Variants in TUSC3 observed in about 807,000 individuals in gnomAD.
The protein encoded by TUSC3 is dolichyl-diphosphooligosaccharide--protein glycosyltransferase subunit TUSC3.
Under a neutral mutation model 44.8 loss-of-function variants are expected in TUSC3, and 45 were observed. That is an observed-to-expected ratio of 1.00 (90% CI 0.79 to 1.29). The LOEUF is 1.29. Ranked by LOEUF, TUSC3 falls within the 50% of genes most tolerant of loss-of-function variation. The probability of loss-of-function intolerance (pLI) is 0.00; values close to 1 mark genes in which losing one functional copy is unlikely to be tolerated. For missense variants in TUSC3, 519 were observed against 437.9 expected (o/e 1.19, Z -1.65); for synonymous variants, 212 against 152.9 (o/e 1.39, Z -2.85).
At chr8:15,646,619 T>G (rs1242941858) in intron 2 of TUSC3, among the ~76,000 whole-genome samples, 1 of 152,086 alleles carries the variant, frequency 6.6e-6, no homozygotes, top group Non-Finnish European at 1.5e-5. Flanking sequence ...CTGTTCATAT[T>G]TAACCCTCTT....
intron 2 of TUSC3, among the ~76,000 whole-genome samples, chr8:15,485,942 C>A (rs922736440): frequency 6.6e-6 from 1 of 152,086 alleles, no homozygotes; most frequent in Non-Finnish European, 1.5e-5. Context: ...AGGTGCCCAC[C>A]ACCAAGCCCG....
intron 1 of TUSC3, among the ~76,000 whole-genome samples, chr8:15,480,322 A>G (rs1800641008): frequency 6.6e-6 from 1 of 152,326 alleles, no homozygotes; most frequent in Admixed American, 6.5e-5. Flanking sequence ...ACATAATTAG[A>G]AAAACCTACT....
chr8:15,510,674 C>T (rs1801120647), intron 2 of TUSC3, among the ~76,000 whole-genome samples: 2 of 151,984 alleles, frequency 1.3e-5, no homozygotes, highest in African/African-American at 4.8e-5. Flanking sequence ...GGAGATGACA[C>T]CAATTTTACA....
At chr8:15,533,627 A>C (rs1230668769) in intron 2 of TUSC3, among the ~76,000 whole-genome samples, 1 of 152,222 alleles carries the variant, frequency 6.6e-6, no homozygotes, top group African/African-American at 2.4e-5. Flanking sequence ...AGAGAGAAAC[A>C]TAAAAAGCAG....
chr8:15,782,759 GA>G, the TUSC3 span, among the ~76,000 whole-genome samples: 1 of 152,110 alleles, frequency 6.6e-6, no homozygotes, highest in Non-Finnish European at 1.5e-5. Context: ...AGCCATGTAT[GA>G]CAAGCCAAAA....
chr8:15,604,422 G>C (rs1273813149), intron 1 of TUSC3, among the ~76,000 whole-genome samples: 1 of 151,468 alleles, frequency 6.6e-6, no homozygotes, highest in South Asian at 2.1e-4. Flanking sequence ...ATGAGTACGT[G>C]GGTTTTTGTT....
the TUSC3 span, among the ~76,000 whole-genome samples, chr8:15,771,810 C>T: frequency 0.024 from 3,697 of 152,082 alleles, 148 homozygotes; most frequent in African/African-American, 0.084. Context: ...GAAGAAAGGC[C>T]GGGCACGGTG....
intron 7 of TUSC3, among the ~76,000 whole-genome samples, chr8:15,743,123 G>GA (rs1042720105): frequency 2.6e-5 from 4 of 152,120 alleles, no homozygotes; most frequent in African/African-American, 9.7e-5. Context: ...CAAAATCTAT[G>GA]AAAAAATGCT....
the TUSC3 span, among the ~76,000 whole-genome samples, chr8:15,834,268 T>C: frequency 2.6e-5 from 4 of 152,196 alleles, no homozygotes; most frequent in African/African-American, 9.6e-5. Flanking sequence ...TGCACTTTCA[T>C]ACTAAATTTA....
chr8:15,643,058 T>C (rs1294791508), intron 2 of TUSC3, among the ~76,000 whole-genome samples: 1 of 152,192 alleles, frequency 6.6e-6, no homozygotes, highest in African/African-American at 2.4e-5. Context: ...GTTGTTCTGA[T>C]GATAGTGAGT....
downstream of TUSC3, among the ~76,000 whole-genome samples, chr8:15,769,351 G>A (rs1024190284): frequency 5.3e-5 from 8 of 152,142 alleles, no homozygotes; most frequent in African/African-American, 1.9e-4. Flanking sequence ...TTAATAAATG[G>A]TGATGGGAAA....
intron 2 of TUSC3, among the ~76,000 whole-genome samples, chr8:15,646,414 G>A (rs890173894): frequency 6.6e-6 from 1 of 152,034 alleles, no homozygotes; most frequent in South Asian, 2.1e-4. Flanking sequence ...TAGAATAGAG[G>A]CTAGAATCTA....
chr8:15,682,861 C>T (rs1171330732), intron 6 of TUSC3, among the ~76,000 whole-genome samples: 13 of 145,488 alleles, frequency 8.9e-5, no homozygotes, highest in Admixed American at 8.3e-4. Context: ...GTAATGAATT[C>T]TCTTAGTGAT....
At chr8:15,515,453 G>A (rs576161595) in intron 2 of TUSC3, among the ~76,000 whole-genome samples, 69 of 152,116 alleles carry the variant, frequency 4.5e-4, no homozygotes, top group Middle Eastern at 3.4e-3. Context: ...TTTATTTATA[G>A]TATGAACAGT....
the TUSC3 span, among the ~76,000 whole-genome samples, chr8:15,845,218 T>C: frequency 1.7e-4 from 26 of 152,250 alleles, no homozygotes; most frequent in African/African-American, 5.8e-4. Context: ...TCTAATCAGA[T>C]GTGGGCTAAG....
chr8:15,748,509 TAGAAC>T (rs774198406), intron 9 of TUSC3, 44 bp downstream of exon 9: 131 of 1,431,666 alleles, frequency 9.2e-5, no homozygotes, highest in Admixed American at 2.3e-4. Context: ...TTTTAACTAA[TAGAAC>T]AGAGTTTCAG....
chr8:15,538,872 CAG>C (rs1204734125), upstream of TUSC3, among the ~76,000 whole-genome samples: 1 of 151,518 alleles, frequency 6.6e-6, no homozygotes, highest in Non-Finnish European at 1.5e-5. Context: ...TTTTTGGAGA[CAG>C]GGTTTTGCTC....
At chr8:15,429,954 AC>A (rs756583268) in intron 1 of TUSC3, among the ~76,000 whole-genome samples, 14 of 151,780 alleles carry the variant, frequency 9.2e-5, no homozygotes, top group Non-Finnish European at 1.9e-4. Flanking sequence ...CTCTGAATAG[AC>A]CAATAACAGC....
At chr8:15,548,646 C>T (rs1274598475) in intron 1 of TUSC3, among the ~76,000 whole-genome samples, 1 of 151,786 alleles carries the variant, frequency 6.6e-6, no homozygotes, top group East Asian at 1.9e-4. Context: ...GAGTTAATAA[C>T]CTTCCTTATT....
Sources: gnomAD v4.1 joint callset for allele counts (sites outside exome capture counted in the v4.1 genomes callset) on GRCh38, gnomAD v4.1.1 for gene constraint, MANE v1.5 for transcripts, NCBI Gene and HGNC (gene_info 2026-07-23, HGNC 2026-07-21) for gene names.